The following DLGAP1 variants were observed in gnomAD, a reference collection of about 807,000 sequenced individuals.
The protein encoded by DLGAP1 is disks large-associated protein 1.
A neutral mutation model predicts 90.8 loss-of-function variants in DLGAP1; 11 were observed. That is an observed-to-expected ratio of 0.12 (90% CI 0.08 to 0.20). DLGAP1 has a LOEUF of 0.20. Ranked by LOEUF, DLGAP1 falls within the 10% of genes least tolerant of loss-of-function variation. The probability of loss-of-function intolerance (pLI) is 1.00; values close to 1 mark genes in which losing one functional copy is unlikely to be tolerated. For synonymous variants in DLGAP1, 558 were observed against 540.7 expected (o/e 1.03, Z -0.44); for missense variants, 1,050 against 1,333.8 (o/e 0.79, Z 3.31).
intron 7 of DLGAP1, among the ~76,000 whole-genome samples, chr18:3,651,650 C>T (rs1430331986): frequency 2.6e-5 from 4 of 151,616 alleles, no homozygotes; most frequent in Non-Finnish European, 5.9e-5. Context: ...AAAATTAAGC[C>T]GGGTGCAGTG....
intron 3 of DLGAP1, among the ~76,000 whole-genome samples, chr18:3,908,111 C>T (rs1031088266): frequency 6.6e-6 from 1 of 152,174 alleles, no homozygotes; most frequent in African/African-American, 2.4e-5. Context: ...TGTGCAGTTC[C>T]TGCTGTTATT....
At chr18:3,584,071 C>T (rs1030448577) in intron 7 of DLGAP1, among the ~76,000 whole-genome samples, 2 of 152,174 alleles carry the variant, frequency 1.3e-5, no homozygotes, top group Non-Finnish European at 2.9e-5. Flanking sequence ...CATTTGATTA[C>T]AACGCTGAGG....
rs537915233 is a variant in DLGAP1 at position 4,064,232 on chromosome 18, A to C, written c.-158-59031T>G. 5.9e-5 allele frequency among the ~76,000 whole-genome samples: 9 copies of C among 152,094 alleles called. No homozygotes were observed. The East Asian group carries it at 1.4e-3, about 23-fold the overall frequency. ...CATATATCTTTTACACCCTCCAATC[A>C]GTTCTTATCACAAAACTATATATAT... is the stretch of plus-strand genomic sequence containing the variant. On this transcript the variant is annotated intron_variant, in intron 2 of 12. Transcript: ENST00000315677.
At chr18:4,235,840 C>T (rs897239894) in intron 1 of DLGAP1, among the ~76,000 whole-genome samples, 1 of 150,046 alleles carries the variant, frequency 6.7e-6, no homozygotes, top group Non-Finnish European at 1.5e-5. Flanking sequence ...ATTCTCCTGC[C>T]TCAGCCTCCC....
chr18:3,984,849 C>T (rs968560394), intron 3 of DLGAP1, among the ~76,000 whole-genome samples: 15 of 152,088 alleles, frequency 9.9e-5, no homozygotes, highest in African/African-American at 2.4e-4. Flanking sequence ...AGAGCTCAGC[C>T]GGTTCTGAAG....
At chr18:3,712,011 T>C (rs1314300649) in intron 7 of DLGAP1, among the ~76,000 whole-genome samples, 1 of 152,026 alleles carries the variant, frequency 6.6e-6, no homozygotes, top group Admixed American at 6.6e-5. Flanking sequence ...GCTAGAGGTA[T>C]TTTTGTGACG....
At chr18:3,930,922 G>A (rs951406919) in intron 3 of DLGAP1, among the ~76,000 whole-genome samples, 6 of 152,156 alleles carry the variant, frequency 3.9e-5, no homozygotes, top group African/African-American at 9.7e-5. Flanking sequence ...CCATGGTTAC[G>A]CAAAAGCTGG....
rs368972569 is a variant in DLGAP1, at chr18:3,610,882, CT to C, written c.1592-28635del. Among the ~76,000 whole-genome samples the C allele has an allele frequency of 3.9e-3, 562 of 145,564 alleles. 2 individuals carry two copies. Among genetic ancestry groups the C allele is most frequent in the Non-Finnish European group, 4.0e-3 (268 of 66,328 alleles). The stretch of plus-strand genomic sequence containing the variant: ...GGTATAAAAGTATTAACTGTATGGT[CT>C]TTTTTTTTTTTGAGTTTTCATATGT... On this transcript the variant is annotated intron_variant, in intron 7 of 12. Coordinates refer to ENST00000315677, the MANE Select transcript of DLGAP1 (RefSeq NM_004746.4).
chr18:3,614,970 G>A (rs1160575106), intron 7 of DLGAP1, among the ~76,000 whole-genome samples: 2 of 147,576 alleles, frequency 1.4e-5, no homozygotes, highest in Non-Finnish European at 3.0e-5. Context: ...TGCCCAGGTT[G>A]GAGTGCAATG....
intron 2 of DLGAP1, among the ~76,000 whole-genome samples, chr18:4,079,081 T>C (rs2075566155): frequency 6.6e-6 from 1 of 152,108 alleles, no homozygotes; most frequent in African/African-American, 2.4e-5. Flanking sequence ...TGGTGGTGGG[T>C]GATCAGAGCA....
chr18:4,147,558 T>A (rs2076604707), intron 2 of DLGAP1, among the ~76,000 whole-genome samples: 1 of 150,086 alleles, frequency 6.7e-6, no homozygotes, highest in East Asian at 2.0e-4. Flanking sequence ...TTGCTAAACC[T>A]GTTCATCCAT....
chr18:4,194,563 T>A (rs1387068608), intron 1 of DLGAP1, among the ~76,000 whole-genome samples: 1 of 152,190 alleles, frequency 6.6e-6, no homozygotes, highest in Non-Finnish European at 1.5e-5. Context: ...AGTGTACGTA[T>A]TTTTTTCAAA....
At chr18:4,254,219 A>T (rs1409222430) in intron 1 of DLGAP1, among the ~76,000 whole-genome samples, 4 of 152,204 alleles carry the variant, frequency 2.6e-5, no homozygotes, top group African/African-American at 9.6e-5. Flanking sequence ...TCCAAGTGCC[A>T]TGATATACAG....
intron 1 of DLGAP1, among the ~76,000 whole-genome samples, chr18:4,400,731 A>C (rs547382307): frequency 5.9e-5 from 9 of 152,274 alleles, no homozygotes; most frequent in Admixed American, 2.0e-4. Context: ...TGATGGCATC[A>C]TATCATGGCT....
At chr18:3,921,577 A>T (rs1190465067) in intron 3 of DLGAP1, among the ~76,000 whole-genome samples, 1 of 152,228 alleles carries the variant, frequency 6.6e-6, no homozygotes, top group Admixed American at 6.5e-5. Flanking sequence ...GACCATAGCT[A>T]GACAATCAAA....
chr18:3,881,538 T>C (rs2071169037), intron 3 of DLGAP1, among the ~76,000 whole-genome samples: 1 of 148,634 alleles, frequency 6.7e-6, no homozygotes, highest in Non-Finnish European at 1.5e-5. Flanking sequence ...TTAGTCTCAT[T>C]ATGTACCCCG....
At chr18:3,754,723 C>CAAAA (rs1161245616) in intron 5 of DLGAP1, among the ~76,000 whole-genome samples, 1,282 of 58,718 alleles carry the variant, frequency 0.022, 17 homozygotes, top group Middle Eastern at 0.075. Context: ...TACTAAAATA[C>CAAAA]AAAAAAAAAA....
At position 4,372,681 on chromosome 18, in the gene DLGAP1, C is replaced by T. The variant is rs376615293; in HGVS notation, c.-267+82325G>A. Reference sequence around the variant, plus strand: ...GTGGCTCACGCCTGTAATCCCAGCACTTTGGGAGGGTGAGGCGGGTGGATC... The same window carrying T: ...GTGGCTCACGCCTGTAATCCCAGCATTTTGGGAGGGTGAGGCGGGTGGATC... On this transcript the variant is annotated intron_variant, in intron 1 of 12. Transcript: ENST00000315677. Among the ~76,000 whole-genome samples, 52 of 152,228 alleles carry T rather than the reference C, an allele frequency of 3.4e-4. No individual in the cohort carries two copies. The South Asian group carries it at 0.011, about 31-fold the overall frequency.
intron 2 of DLGAP1, among the ~76,000 whole-genome samples, chr18:4,077,682 A>G (rs945790620): frequency 2.2e-4 from 34 of 152,190 alleles, no homozygotes; most frequent in African/African-American, 7.2e-4. Context: ...CACCAGATGC[A>G]GATGCCCAAT....
Sources: allele counts gnomAD v4.1 joint callset (sites outside exome capture counted in the v4.1 genomes callset), GRCh38; gene constraint gnomAD v4.1.1; transcripts MANE v1.5; gene names NCBI Gene and HGNC (gene_info 2026-07-23, HGNC 2026-07-21).